The following CSMD1 variants were observed in gnomAD, a reference collection of about 807,000 sequenced individuals.
CSMD1 encodes CUB and Sushi multiple domains 1.
Under a neutral mutation model 417.5 loss-of-function variants are expected in CSMD1, and 213 were observed. That is an observed-to-expected ratio of 0.51 (90% CI 0.46 to 0.57). The LOEUF (loss-of-function observed/expected upper bound fraction) is 0.57. Ranked by LOEUF, CSMD1 falls within the 20% of genes least tolerant of loss-of-function variation. CSMD1 has a pLI of 0.00. For synonymous variants in CSMD1, 2,862 were observed against 1,736.8 expected (o/e 1.65, Z -16.11); for missense variants, 6,923 against 4,529.7 (o/e 1.53, Z -15.17).
intron 5 of CSMD1, among the ~76,000 whole-genome samples, chr8:3,764,998 G>A (rs1256958133): frequency 6.6e-6 from 1 of 151,766 alleles, no homozygotes; most frequent in Non-Finnish European, 1.5e-5. Context: ...GCCCACTTCG[G>A]CCTCCCAAAG....
chr8:3,173,271 G>C (rs4875090), intron 37 of CSMD1, among the ~76,000 whole-genome samples: 2 of 152,020 alleles, frequency 1.3e-5, no homozygotes, highest in Admixed American at 6.5e-5. Flanking sequence ...AATGCCTAAA[G>C]TAATATTGTA....
intron 2 of CSMD1, among the ~76,000 whole-genome samples, chr8:4,514,075 T>C (rs943506750): frequency 6.6e-6 from 1 of 152,052 alleles, no homozygotes; most frequent in Non-Finnish European, 1.5e-5. Context: ...ATTTTTATTT[T>C]ATTATTATTA....
Position 2,949,288 on chromosome 8 carries a change from G to A in CSMD1, c.10402+11C>T. The A allele has an allele frequency of 6.7e-7, 1 of 1,493,042 alleles. No homozygotes were observed. Among genetic ancestry groups the A allele is most frequent in the Non-Finnish European group, 9.3e-7 (1 of 1,075,104 alleles). The allele number at this position is 1,493,042 out of a possible 1,614,324, so 92.5% of individuals were successfully genotyped here. A position where few individuals can be genotyped will look rare whatever the true frequency, so the allele number is the denominator to read the frequency against. ...ATATTTGCTTTAAAATATATCCTAA[G>A]TGCAACTTACCTTGCCTTTCTAGCT... On this transcript the variant is annotated intron_variant, in intron 68 of 69. Transcript: ENST00000635120.
chr8:4,426,828 A>G (rs1797587699), intron 2 of CSMD1, among the ~76,000 whole-genome samples: 1 of 150,806 alleles, frequency 6.6e-6, no homozygotes. Flanking sequence ...CATGATACAT[A>G]GTATACTATA....
rs186792382 is a variant in CSMD1 at position 3,294,380 on chromosome 8, G to A, written c.3951-10034C>T. 1.4e-4 allele frequency among the ~76,000 whole-genome samples: 21 copies of A among 152,342 alleles called. No homozygotes were observed. In the South Asian group the frequency reaches 2.1e-3, roughly 15 times the overall value. ...GACAGGGACATTTAAGTCTGCAGAG[G>A]TTTCTGCTGCCTTCTGTTGGTCTGT... On this transcript the variant is annotated intron_variant, in intron 25 of 69. Coordinates refer to ENST00000635120, the MANE Select transcript of CSMD1 (RefSeq NM_033225.6).
intron 2 of CSMD1, among the ~76,000 whole-genome samples, chr8:4,515,092 G>C (rs530828397): frequency 6.6e-6 from 1 of 152,302 alleles, no homozygotes; most frequent in South Asian, 2.1e-4. Context: ...TCCATTCTTT[G>C]TACGATTTAC....
chr8:4,006,375 C>G (rs764297868), intron 4 of CSMD1, among the ~76,000 whole-genome samples: 1 of 152,164 alleles, frequency 6.6e-6, no homozygotes, highest in Non-Finnish European at 1.5e-5. Flanking sequence ...GAAACCCTGT[C>G]TCTACTAAAA....
intron 1 of CSMD1, among the ~76,000 whole-genome samples, chr8:4,941,584 A>C (rs972479887): frequency 6.6e-6 from 1 of 150,564 alleles, no homozygotes; most frequent in Non-Finnish European, 1.5e-5. Context: ...GGAAACAATC[A>C]GTTTTTTTTA....
At chr8:3,235,673 A>T (rs1031452837) in intron 26 of CSMD1, among the ~76,000 whole-genome samples, 10 of 152,178 alleles carry the variant, frequency 6.6e-5, no homozygotes, top group Non-Finnish European at 1.2e-4. Flanking sequence ...AAGTCCACAG[A>T]ATATCAGTAG....
intron 12 of CSMD1, among the ~76,000 whole-genome samples, chr8:3,453,992 G>A (rs1000424916): frequency 1.3e-5 from 2 of 152,080 alleles, no homozygotes; most frequent in African/African-American, 4.8e-5. Context: ...GAATCTGGGT[G>A]CTCCTGTATT....
rs186119467 is a variant in CSMD1, at chr8:4,584,149, C to T, written c.302+53193G>A. Reference sequence around the variant, plus strand: ...AACGTCAGAAGGAACAAACTCCAGACGCGCCACCTTAAGAACTGTAACACT... The same window carrying T: ...AACGTCAGAAGGAACAAACTCCAGATGCGCCACCTTAAGAACTGTAACACT... On this transcript the variant is annotated intron_variant, in intron 2 of 69. Transcript: ENST00000635120. Among the ~76,000 whole-genome samples the T allele has an allele frequency of 1.1e-4, 17 of 152,114 alleles. 1 individual carries two copies. Among genetic ancestry groups the T allele is most frequent in the South Asian group, 4.2e-4 (2 of 4,814 alleles).
At chr8:4,449,638 T>C (rs1251581736) in intron 2 of CSMD1, among the ~76,000 whole-genome samples, 1 of 152,054 alleles carries the variant, frequency 6.6e-6, no homozygotes, top group African/African-American at 2.4e-5. Context: ...CTTGGAGCAA[T>C]CCACATAGAT....
At chr8:4,841,558 A>C (rs191767720) in intron 1 of CSMD1, among the ~76,000 whole-genome samples, 1 of 152,320 alleles carries the variant, frequency 6.6e-6, no homozygotes, top group East Asian at 1.9e-4. Flanking sequence ...GGTCAAATAC[A>C]AACCATGAAA....
intron 1 of CSMD1, among the ~76,000 whole-genome samples, chr8:4,901,693 A>T (rs186187784): frequency 6.6e-6 from 1 of 152,356 alleles, no homozygotes; most frequent in Non-Finnish European, 1.5e-5. Flanking sequence ...GGCAGTATGC[A>T]TACTAGCATA....
At chr8:3,459,414 C>G (rs1563059142) in intron 12 of CSMD1, among the ~76,000 whole-genome samples, 2 of 152,174 alleles carry the variant, frequency 1.3e-5, no homozygotes, top group Non-Finnish European at 2.9e-5. Flanking sequence ...CAATGCAGCA[C>G]CAGTGCCACA....
At chr8:4,282,727 T>A (rs1370199107) in intron 3 of CSMD1, among the ~76,000 whole-genome samples, 5 of 152,210 alleles carry the variant, frequency 3.3e-5, no homozygotes, top group African/African-American at 4.8e-5. Context: ...CGGAACAATT[T>A]TAATTACTTG....
intron 3 of CSMD1, among the ~76,000 whole-genome samples, chr8:4,342,245 G>GTGTGTT (rs1554438789): frequency 5.4e-4 from 10 of 18,678 alleles, no homozygotes; most frequent in Non-Finnish European, 1.0e-3. Flanking sequence ...GTGTGTGTGT[G>GTGTGTT]TGTGTCTCTG....
At position 4,517,057 on chromosome 8, in the gene CSMD1, G is replaced by C. The variant is rs117400156; in HGVS notation, c.303-96992C>G. On this transcript the variant is annotated intron_variant, in intron 2 of 69. Transcript: ENST00000635120. The stretch of plus-strand genomic sequence containing the variant: ...TAATTATTTAGATCTCTGTTTTTCT[G>C]TGTTTTACTGTGAATGCAGAAATTT... Among the ~76,000 whole-genome samples the C allele has an allele frequency of 3.5e-3, 537 of 152,226 alleles. 13 individuals are homozygous for C. The highest frequency in any genetic ancestry group is 0.035 in the East Asian group (180 of 5,182).
chr8:4,246,514 C>T (rs529042413), intron 3 of CSMD1, among the ~76,000 whole-genome samples: 103 of 152,208 alleles, frequency 6.8e-4, no homozygotes, highest in Middle Eastern at 3.4e-3. Context: ...TTGTAAGACC[C>T]TTGTGAAAAT....
Sources: allele counts gnomAD v4.1 joint callset (sites outside exome capture counted in the v4.1 genomes callset), GRCh38; gene constraint gnomAD v4.1.1; transcripts MANE v1.5; gene names NCBI Gene and HGNC (gene_info 2026-07-23, HGNC 2026-07-21).